The following FAT3 variants were observed in gnomAD, a reference collection of about 807,000 sequenced individuals.
FAT3 encodes FAT atypical cadherin 3, also known as protocadherin Fat 3.
FAT3 carries 95 observed loss-of-function variants against 310.2 expected under a neutral mutation model. That is an observed-to-expected ratio of 0.31 (90% confidence interval 0.26 to 0.36). FAT3 has a LOEUF of 0.36. Ranked by LOEUF, FAT3 falls within the 10% of genes least tolerant of loss-of-function variation. The probability of loss-of-function intolerance (pLI) is 1.00; values close to 1 mark genes in which losing one functional copy is unlikely to be tolerated. For synonymous variants in FAT3, 2,314 were observed against 2,192.9 expected (o/e 1.06, Z -1.54); for missense variants, 5,408 against 5,715.6 (o/e 0.95, Z 1.74).
chr11:92,444,011 T>C (rs757534640), intron 2 of FAT3, among the ~76,000 whole-genome samples: 1 of 152,228 alleles, frequency 6.6e-6, no homozygotes, highest in Non-Finnish European at 1.5e-5. Flanking sequence ...CTATGCATCA[T>C]ATAGCTTAAA....
intron 3 of FAT3, among the ~76,000 whole-genome samples, chr11:92,656,978 GT>G (rs1366808787): frequency 1.4e-5 from 2 of 145,408 alleles, no homozygotes; most frequent in African/African-American, 5.0e-5. Flanking sequence ...GGGTGCAGGG[GT>G]AAGGTGGGGT....
chr11:92,278,287 G>C (rs753723202), intron 1 of FAT3, among the ~76,000 whole-genome samples: 1 of 152,112 alleles, frequency 6.6e-6, no homozygotes, highest in Non-Finnish European at 1.5e-5. Context: ...GGCTTTGTTA[G>C]GGATATCTCA....
chr11:92,335,283 A>G (rs949113438), intron 1 of FAT3, among the ~76,000 whole-genome samples: 3 of 152,086 alleles, frequency 2.0e-5, no homozygotes, highest in African/African-American at 4.8e-5. Context: ...AATGTATTCA[A>G]AATTCCTAAA....
intron 3 of FAT3, among the ~76,000 whole-genome samples, chr11:92,597,915 T>C (rs1202820755): frequency 6.6e-6 from 1 of 152,164 alleles, no homozygotes; most frequent in East Asian, 1.9e-4. Flanking sequence ...GCAGGATATC[T>C]TTTTCTTTGA....
chr11:92,352,445 T>C lies in FAT3; in HGVS notation c.333T>C (p.Gly111=). The C allele has an allele frequency of 6.2e-7, 1 of 1,612,510 alleles. No homozygotes were observed. Among genetic ancestry groups the C allele is most frequent in the Non-Finnish European group, 8.5e-7 (1 of 1,179,514 alleles). The change falls in exon 2 of 28, where the codon GGT becomes GGC. Residue 111 remains glycine, a synonymous_variant. Transcript: ENST00000525166. ...DFCFLRIRTK[G]GNSAILNREI... ...GTTTTCTCAGAATAAGAACTAAAGG[T>C]GGCAATTCTGCCATATTAAATAGGG... is the stretch of plus-strand genomic sequence containing the variant.
intron 1 of FAT3, among the ~76,000 whole-genome samples, chr11:92,302,592 A>G (rs1018247459): frequency 1.3e-5 from 2 of 152,108 alleles, no homozygotes; most frequent in African/African-American, 2.4e-5. Context: ...TCTAACCTCT[A>G]TAGTGGCATA....
At chr11:92,293,197 A>G (rs1946743425) in intron 1 of FAT3, among the ~76,000 whole-genome samples, 1 of 151,642 alleles carries the variant, frequency 6.6e-6, no homozygotes, top group Non-Finnish European at 1.5e-5. Context: ...TTGGTTTCCT[A>G]TAAGAGGGTG....
chr11:92,598,230 A>ATATAT (rs756896313), intron 3 of FAT3, among the ~76,000 whole-genome samples: 11,222 of 134,208 alleles, frequency 0.084, 527 homozygotes, highest in African/African-American at 0.11. Flanking sequence ...ATATATATAT[A>ATATAT]TTTTTTTTTT....
intron 2 of FAT3, among the ~76,000 whole-genome samples, chr11:92,375,865 C>CAGG (rs1690366715): frequency 1.3e-5 from 2 of 152,288 alleles, no homozygotes; most frequent in East Asian, 3.9e-4. Flanking sequence ...TCATAGCTAA[C>CAGG]ATCTGAAGCA....
At chr11:92,626,466 T>C (rs564593719) in intron 3 of FAT3, among the ~76,000 whole-genome samples, 1 of 150,412 alleles carries the variant, frequency 6.6e-6, no homozygotes, top group Admixed American at 6.8e-5. Flanking sequence ...TGGCGTAGCG[T>C]ATCTCTTTTT....
At chr11:92,327,240 T>C (rs1947790895) in intron 1 of FAT3, among the ~76,000 whole-genome samples, 1 of 152,108 alleles carries the variant, frequency 6.6e-6, no homozygotes, top group Non-Finnish European at 1.5e-5. Context: ...CTTTTATTTT[T>C]TTTTCTACTT....
chr11:92,676,172 A>T (rs1017681752), intron 3 of FAT3, among the ~76,000 whole-genome samples: 1 of 152,198 alleles, frequency 6.6e-6, no homozygotes, highest in African/African-American at 2.4e-5. Flanking sequence ...TAATACATTT[A>T]ACCAAAATGA....
At chr11:92,394,074 AG>A (rs1949806332) in intron 2 of FAT3, among the ~76,000 whole-genome samples, 1 of 152,186 alleles carries the variant, frequency 6.6e-6, no homozygotes, top group African/African-American at 2.4e-5. Flanking sequence ...CTGGACATGT[AG>A]GAGGTGCTCA....
chr11:92,359,423 G>C (rs1319856931), intron 2 of FAT3, among the ~76,000 whole-genome samples: 1 of 152,078 alleles, frequency 6.6e-6, no homozygotes, highest in South Asian at 2.1e-4. Flanking sequence ...ATGTTTTGTG[G>C]AAGTGTGTAT....
chr11:92,857,393 G>T (rs1265203797), intron 20 of FAT3, 45 bp downstream of exon 20: 1 of 1,609,816 alleles, frequency 6.2e-7, no homozygotes. Context: ...TCATATTCCT[G>T]AAACACTTGC....
intron 3 of FAT3, among the ~76,000 whole-genome samples, chr11:92,565,336 G>A (rs1955390251): frequency 7.0e-6 from 1 of 143,170 alleles, no homozygotes; most frequent in African/African-American, 2.5e-5. Context: ...GACTAAACCA[G>A]GAAGAAGTTG....
intron 2 of FAT3, among the ~76,000 whole-genome samples, chr11:92,432,588 T>C (rs1420672459): frequency 1.3e-5 from 2 of 152,168 alleles, no homozygotes; most frequent in African/African-American, 4.8e-5. Context: ...GTGTCACCAG[T>C]GGAGGCTGCA....
intron 3 of FAT3, among the ~76,000 whole-genome samples, chr11:92,611,986 C>A (rs1940583670): frequency 6.6e-6 from 1 of 152,126 alleles, no homozygotes; most frequent in Non-Finnish European, 1.5e-5. Flanking sequence ...TAGGACCTAC[C>A]TAATAGCAAC....
Position 92,331,921 on chromosome 11 carries a change from G to C in FAT3, c.-17-20175G>C, listed in dbSNP as rs7935826. ...CTAAAGGGCCATGATGTTTTCTTAAGATAGCCTTTTTCAGTTTAGGGTTCC... is the reference window on the plus strand; with the variant it reads ...CTAAAGGGCCATGATGTTTTCTTAACATAGCCTTTTTCAGTTTAGGGTTCC... On this transcript the variant is annotated intron_variant, in intron 1 of 27. Coordinates refer to ENST00000525166, the MANE Select transcript of FAT3 (RefSeq NM_001367949.2). Among the ~76,000 whole-genome samples the C allele has an allele frequency of 3.4e-3, 517 of 152,286 alleles. 2 individuals carry two copies. The highest frequency in any genetic ancestry group is 0.01 in the African/African-American group (431 of 41,564).
Sources: allele counts gnomAD v4.1 joint callset (sites outside exome capture counted in the v4.1 genomes callset), GRCh38; gene constraint gnomAD v4.1.1; transcripts MANE v1.5; gene names NCBI Gene and HGNC (gene_info 2026-07-23, HGNC 2026-07-21).